ZC3H12B: variants seen among roughly 807,000 people sequenced by gnomAD.
ZC3H12B encodes zinc finger CCCH-type containing 12B.
Under a neutral mutation model 43.9 loss-of-function variants are expected in ZC3H12B, and 7 were observed. The observed-to-expected ratio is 0.16, with a 90% CI of 0.09 to 0.30. ZC3H12B has a LOEUF of 0.30. Ranked by LOEUF, ZC3H12B falls within the 10% of genes least tolerant of loss-of-function variation. The pLI, the probability that ZC3H12B is intolerant of heterozygous loss-of-function variation, is 1.00. For synonymous variants in ZC3H12B, 222 were observed against 241.7 expected (o/e 0.92, Z 0.76); for missense variants, 475 against 670.2 (o/e 0.71, Z 3.22).
the ZC3H12B span, among the ~76,000 whole-genome samples, chrX:65,117,989 G>A: frequency 1.8e-5 from 2 of 111,621 alleles, no homozygotes; most frequent in African/African-American, 3.3e-5. Flanking sequence ...TTGAAGTCAG[G>A]TAGCATGATG....
chrX:65,298,683 A>G, the ZC3H12B span, among the ~76,000 whole-genome samples: 1 of 112,022 alleles, frequency 8.9e-6, no homozygotes, highest in African/African-American at 3.2e-5. Flanking sequence ...TAGCCAAAAT[A>G]TGGAAACAAA....
At chrX:65,174,337 A>AT in the ZC3H12B span, among the ~76,000 whole-genome samples, 1 of 112,544 alleles carries the variant, frequency 8.9e-6, no homozygotes, top group Non-Finnish European at 1.9e-5. Flanking sequence ...ACTTTTATCC[A>AT]TCCAAGGATT....
chrX:65,255,985 TAG>T, the ZC3H12B span, among the ~76,000 whole-genome samples: 4 of 112,410 alleles, frequency 3.6e-5, no homozygotes, highest in African/African-American at 1.3e-4. Flanking sequence ...CAAGAAGACA[TAG>T]CTATTTTAAA....
chrX:65,090,031 A>G, the ZC3H12B span, among the ~76,000 whole-genome samples: 1 of 112,380 alleles, frequency 8.9e-6, no homozygotes, highest in Non-Finnish European at 1.9e-5. Flanking sequence ...TACACTATAA[A>G]TCAATGATAA....
the ZC3H12B span, among the ~76,000 whole-genome samples, chrX:65,082,919 G>A: frequency 1.8e-5 from 2 of 110,655 alleles, no homozygotes; most frequent in Non-Finnish European, 3.8e-5. Flanking sequence ...TGACCAAATC[G>A]GATTTATCTC....
the ZC3H12B span, among the ~76,000 whole-genome samples, chrX:65,278,860 G>A: frequency 9.9e-6 from 1 of 100,763 alleles, no homozygotes; most frequent in Non-Finnish European, 2.0e-5. Context: ...GTTCATAAGC[G>A]CTTATTTAGC....
chrX:65,371,176 T>G (rs1278999645), intron 2 of ZC3H12B, among the ~76,000 whole-genome samples: 1 of 112,191 alleles, frequency 8.9e-6, no homozygotes, highest in Non-Finnish European at 1.9e-5. Flanking sequence ...ATTATTTCTC[T>G]GTTGTGAATT....
the ZC3H12B span, among the ~76,000 whole-genome samples, chrX:65,054,497 G>A: frequency 7.2e-5 from 8 of 111,803 alleles, no homozygotes; most frequent in African/African-American, 2.6e-4. Context: ...TAGCCTTGTA[G>A]TGTAGTTTGA....
chrX:65,239,111 G>C, the ZC3H12B span, among the ~76,000 whole-genome samples: 1 of 111,880 alleles, frequency 8.9e-6, no homozygotes, highest in Non-Finnish European at 1.9e-5. Context: ...CCAGAGGTGA[G>C]TTCAGATCCT....
intron 3 of ZC3H12B, among the ~76,000 whole-genome samples, chrX:65,449,421 C>A (rs928734928): frequency 9.0e-6 from 1 of 111,070 alleles, no homozygotes; most frequent in Non-Finnish European, 1.9e-5. Context: ...GGATTCAAGA[C>A]CAGCCTGGAC....
intron 2 of ZC3H12B, among the ~76,000 whole-genome samples, chrX:65,380,731 C>A (rs961761081): frequency 9.0e-6 from 1 of 111,672 alleles, no homozygotes; most frequent in Non-Finnish European, 1.9e-5. Context: ...GGCAGAGACA[C>A]ACATAGGCTC....
chrX:65,217,010 A>G, the ZC3H12B span, among the ~76,000 whole-genome samples: 1 of 111,669 alleles, frequency 9.0e-6, no homozygotes, highest in African/African-American at 3.3e-5. Flanking sequence ...AGGAGGTCAT[A>G]GGCTTCAGGA....
At chrX:65,177,540 A>T in the ZC3H12B span, among the ~76,000 whole-genome samples, 50 of 112,291 alleles carry the variant, frequency 4.5e-4, no homozygotes, top group African/African-American at 1.6e-3. Flanking sequence ...CCATCGTCTC[A>T]GTCCAAAAAC....
chrX:65,108,691 G>A, the ZC3H12B span, among the ~76,000 whole-genome samples: 1 of 110,582 alleles, frequency 9.0e-6, no homozygotes, highest in Non-Finnish European at 1.9e-5. Context: ...AAAAAGTATA[G>A]TGAAGTAAAT....
At chrX:65,424,378 G>T (rs191572283) in intron 3 of ZC3H12B, among the ~76,000 whole-genome samples, 1 of 111,582 alleles carries the variant, frequency 9.0e-6, no homozygotes, top group Non-Finnish European at 1.9e-5. Flanking sequence ...CTTTTGTGAG[G>T]TGAATAGGTT....
chrX:65,256,382 A>T, the ZC3H12B span, among the ~76,000 whole-genome samples: 1 of 89,678 alleles, frequency 1.1e-5, no homozygotes, highest in Non-Finnish European at 1.9e-5. Flanking sequence ...AATAATAAGA[A>T]AATCAATCAA....
the ZC3H12B span, among the ~76,000 whole-genome samples, chrX:65,125,994 C>T: frequency 2.7e-4 from 29 of 106,712 alleles, no homozygotes; most frequent in African/African-American, 1.0e-3. Context: ...ATATGAGGTA[C>T]TATTCTATTA....
the ZC3H12B span, among the ~76,000 whole-genome samples, chrX:65,215,284 C>G: frequency 8.9e-6 from 1 of 111,783 alleles, no homozygotes; most frequent in Non-Finnish European, 1.9e-5. Flanking sequence ...TGACTTCTGT[C>G]TAGCTGTGAA....
At chrX:65,171,444 C>T in the ZC3H12B span, among the ~76,000 whole-genome samples, 104 of 110,869 alleles carry the variant, frequency 9.4e-4, no homozygotes, top group Non-Finnish European at 1.7e-3. Context: ...AGGTGTCAGT[C>T]GGCCCGTATT....
Sources: allele counts gnomAD v4.1 joint callset (sites outside exome capture counted in the v4.1 genomes callset), GRCh38; gene constraint gnomAD v4.1.1; transcripts MANE v1.5; gene names NCBI Gene and HGNC (gene_info 2026-07-23, HGNC 2026-07-21).